The following SCPEP1 variants were observed in gnomAD, a reference collection of about 807,000 sequenced individuals.
The protein encoded by SCPEP1 is retinoid-inducible serine carboxypeptidase.
Under a neutral mutation model 63.8 loss-of-function variants are expected in SCPEP1, and 51 were observed. The observed-to-expected ratio is 0.80, with a 90% CI of 0.64 to 1.01. The LOEUF (loss-of-function observed/expected upper bound fraction) is 1.01, where lower values mean the gene tolerates loss of function less well. Ranked by LOEUF, SCPEP1 falls within the 50% of genes least tolerant of loss-of-function variation. SCPEP1 has a pLI of 0.00. For synonymous variants in SCPEP1, 204 were observed against 207.8 expected, an observed-to-expected ratio of 0.98 and a Z score of 0.16; for missense variants, 499 against 554.9, an observed-to-expected ratio of 0.90 and a Z score of 1.01.
At chr17:56,981,061 G>A (rs1158918983) in intron 1 of SCPEP1, 21 bp from the exon 2 acceptor site, 1 of 1,613,984 alleles carries the variant, frequency 6.2e-7, no homozygotes, top group South Asian at 1.1e-5. Context: ...TCTGGAGAGT[G>A]AAATTGAACT....
At chr17:57,000,301 A>G (rs1470686461) in intron 10 of SCPEP1, among the ~76,000 whole-genome samples, 2 of 152,194 alleles carry the variant, frequency 1.3e-5, no homozygotes, top group Non-Finnish European at 2.9e-5. Context: ...TATTGCTGTC[A>G]TTCAGTGTTA....
Position 56,981,152 on chromosome 17 carries a change from C to A in SCPEP1, c.147C>A (p.Ala49=), listed in dbSNP as rs376140010. The A allele has an allele frequency of 7.3e-5, 118 of 1,614,058 alleles. No homozygotes were observed. Among genetic ancestry groups the A allele is most frequent in the Non-Finnish European group, 9.7e-5 (114 of 1,180,026 alleles). ...VWDYVTVRKD[A]YMFWWLYYAT... ...ATTATGTGACGGTCCGCAAGGATGC[C>A]TACATGTTCTGGTGGCTCTATTATG... The change falls in exon 2 of 13, where the codon GCC becomes GCA. Residue 49 remains alanine, a synonymous_variant. Coordinates refer to ENST00000262288, the MANE Select transcript of SCPEP1 (RefSeq NM_021626.3).
chr17:57,001,018 T>C (rs1911726240), intron 11 of SCPEP1, 26 bp downstream of exon 11: 1 of 1,613,526 alleles, frequency 6.2e-7, no homozygotes. Flanking sequence ...GAGAGGCACC[T>C]AGAGGCAGTT....
At chr17:56,995,779 T>G in intron 8 of SCPEP1, 144 bp downstream of exon 8, 2 of 927,824 alleles carry the variant, frequency 2.2e-6, no homozygotes, top group Non-Finnish European at 3.0e-6. Flanking sequence ...AATAAATCTC[T>G]TGGGTCTAAG....
In SCPEP1 at chr17:56,994,624, G is replaced by C. The variant is rs559057317; in HGVS notation, c.620-357G>C. 1.1e-4 allele frequency among the ~76,000 whole-genome samples: 17 copies of C among 152,306 alleles called. No individual in the cohort carries two copies. In the South Asian group the frequency reaches 3.5e-3, roughly 32 times the overall value. ...ATGTGAGGGTGGGGAAATATTTTAA[G>C]CTGTCAAAAGGCCTAGAGGTCCACA... On this transcript the variant is annotated intron_variant, in intron 6 of 12. Coordinates refer to ENST00000262288, the MANE Select transcript of SCPEP1 (RefSeq NM_021626.3).
At chr17:56,987,508 T>G in intron 3 of SCPEP1, 187 bp from the exon 4 acceptor site, 8 of 490,778 alleles carry the variant, frequency 1.6e-5, no homozygotes, top group Non-Finnish European at 2.3e-5. Flanking sequence ...TGGCCTTTCT[T>G]TGTTTTTGTT....
rs752797856 is a variant in SCPEP1 at position 56,988,308 on chromosome 17, T to G, written c.546+18T>G. On this transcript the variant is annotated intron_variant, in intron 5 of 12. Transcript: ENST00000262288. Reference sequence around the variant, plus strand: ...TTTATAAGGTAATGGAAAATAACTTTGTTGTTATGGTTTTGGACAGAAAAT... The same window carrying G: ...TTTATAAGGTAATGGAAAATAACTTGGTTGTTATGGTTTTGGACAGAAAAT... 4 of 1,588,442 alleles carry G rather than the reference T, an allele frequency of 2.5e-6. No individual in the cohort carries two copies. Among genetic ancestry groups the G allele is most frequent in the Admixed American group, 1.7e-5 (1 of 57,920 alleles).
At chr17:56,987,905 T>G in intron 4 of SCPEP1, 55 bp downstream of exon 4, 1 of 1,583,568 alleles carries the variant, frequency 6.3e-7, no homozygotes, top group Non-Finnish European at 8.6e-7. Context: ...CAACTCTACA[T>G]CCATCAGCAT....
At chr17:56,992,744 G>A (rs564876067) in intron 6 of SCPEP1, among the ~76,000 whole-genome samples, 16 of 152,278 alleles carry the variant, frequency 1.1e-4, no homozygotes, top group African/African-American at 2.9e-4. Context: ...AACTTTCTTA[G>A]AGTCACCTAG....
chr17:57,002,032 G>C lies in SCPEP1; in HGVS notation c.1147G>C (p.Val383Leu), dbSNP rs978907112. The C allele has an allele frequency of 6.2e-7, 1 of 1,614,054 alleles. No homozygotes were observed. Among genetic ancestry groups the C allele is most frequent in the Admixed American group, 1.7e-5 (1 of 59,986 alleles). ...IVDTMGQEAW[V>L]RKLKWPELPK... ...CTTCTCACCAGGTCAGGAGGCCTGG[G>C]TGCGGAAACTGAAGTGGCCAGAACT... Residue 383 changes from valine (V) to leucine (L), a missense_variant, in exon 12 of 13, where the codon GTG (valine) becomes CTG (leucine). By Grantham distance (32) the Val-to-Leu change is conservative. Coordinates refer to ENST00000262288, the MANE Select transcript of SCPEP1 (RefSeq NM_021626.3).
chr17:56,990,377 G>A (rs541024733), intron 5 of SCPEP1, among the ~76,000 whole-genome samples: 1 of 152,180 alleles, frequency 6.6e-6, no homozygotes, highest in African/African-American at 2.4e-5. Flanking sequence ...AAAACTTATA[G>A]AAACAGCATA....
intron 12 of SCPEP1, among the ~76,000 whole-genome samples, chr17:57,005,171 C>T (rs921405912): frequency 2.0e-5 from 3 of 152,198 alleles, no homozygotes; most frequent in Admixed American, 1.3e-4. Context: ...AAATGTTCCA[C>T]TTGTGGCCTC....
chr17:56,996,329 C>T (rs893500680), intron 8 of SCPEP1, among the ~76,000 whole-genome samples: 2 of 148,624 alleles, frequency 1.3e-5, no homozygotes, highest in South Asian at 2.1e-4. Flanking sequence ...CTCAGCCTCC[C>T]GAGTAGCTGA....
intron 5 of SCPEP1, among the ~76,000 whole-genome samples, chr17:56,990,385 A>G (rs1199144153): frequency 6.6e-6 from 1 of 152,232 alleles, no homozygotes; most frequent in Non-Finnish European, 1.5e-5. Flanking sequence ...TAGAAACAGC[A>G]TATGTACATT....
At chr17:56,993,480 G>A (rs1187712900) in intron 6 of SCPEP1, among the ~76,000 whole-genome samples, 2 of 152,178 alleles carry the variant, frequency 1.3e-5, no homozygotes, top group South Asian at 2.1e-4. Context: ...TTTTGCTCTT[G>A]TTGCCCAGAC....
intron 10 of SCPEP1, among the ~76,000 whole-genome samples, chr17:56,999,788 G>C (rs1911683870): frequency 6.6e-6 from 1 of 152,118 alleles, no homozygotes; most frequent in Non-Finnish European, 1.5e-5. Context: ...TTCGAGACCA[G>C]CCTGACCAAC....
Position 57,000,850 on chromosome 17 carries a change from T to G in SCPEP1, c.995-5T>G. 6.2e-7 allele frequency: 1 copy of G among 1,614,066 alleles called. No homozygotes were observed. Among genetic ancestry groups the G allele is most frequent in the Non-Finnish European group, 8.5e-7 (1 of 1,180,040 alleles). On this transcript the variant is annotated splice_region_variant and splice_polypyrimidine_tract_variant and intron_variant, in intron 10 of 12. Coordinates refer to ENST00000262288, the MANE Select transcript of SCPEP1 (RefSeq NM_021626.3). The stretch of plus-strand genomic sequence containing the variant: ...TACTCCCTCTTTCTCCTTCCCCATG[T>G]GCAGGCCAGGCTACCAACGTCTTTG...
At chr17:56,996,815 A>C in intron 8 of SCPEP1, 147 bp from the exon 9 acceptor site, 1 of 519,372 alleles carries the variant, frequency 1.9e-6, no homozygotes, top group Non-Finnish European at 3.4e-6. Flanking sequence ...CACCAGGCCC[A>C]GCCAAAGCTC....
chr17:57,001,731 C>T (rs2144508862), intron 11 of SCPEP1, among the ~76,000 whole-genome samples: 2 of 152,310 alleles, frequency 1.3e-5, no homozygotes, highest in South Asian at 4.1e-4. Context: ...CAGAGGTCCC[C>T]AGTTCCCTTC....
Sources: allele counts gnomAD v4.1 joint callset (sites outside exome capture counted in the v4.1 genomes callset), GRCh38; gene constraint gnomAD v4.1.1; transcripts MANE v1.5; gene names NCBI Gene and HGNC (gene_info 2026-07-23, HGNC 2026-07-21).